TMEM17: variants seen among roughly 807,000 people sequenced by gnomAD.
TMEM17 encodes the protein transmembrane protein 17.
Under a neutral mutation model 19.1 loss-of-function variants are expected in TMEM17, and 15 were observed. The ratio of observed to expected loss-of-function variants is 0.78; its 90% CI spans 0.52 to 1.21. TMEM17 has a LOEUF of 1.21. Ranked by LOEUF, TMEM17 falls within the 50% of genes most tolerant of loss-of-function variation. The probability of loss-of-function intolerance (pLI) is 0.00; values close to 1 mark genes in which losing one functional copy is unlikely to be tolerated. For synonymous variants in TMEM17, 103 were observed against 86.9 expected, an observed-to-expected ratio of 1.19 and a Z score of -1.03; for missense variants, 245 against 242.3, an observed-to-expected ratio of 1.01 and a Z score of -0.07.
chr2:62,500,214 A>G (rs1244870009), downstream of TMEM17: 2 of 152,248 alleles, frequency 1.3e-5, no homozygotes, highest in East Asian at 1.9e-4. Flanking sequence ...CAAGACAAGG[A>G]TGATTTGCTG....
chr2:62,490,870 A>C, the TMEM17 span, among the ~76,000 whole-genome samples: 10 of 152,068 alleles, frequency 6.6e-5, no homozygotes. Context: ...TGAGGCCAGG[A>C]GTTTGAGACC....
At chr2:62,489,002 G>A in the TMEM17 span, among the ~76,000 whole-genome samples, 5 of 152,008 alleles carry the variant, frequency 3.3e-5, no homozygotes, top group African/African-American at 9.7e-5. Context: ...TGCCTTCCAC[G>A]GACACCCTTA....
the TMEM17 span, among the ~76,000 whole-genome samples, chr2:62,475,479 C>G: frequency 6.6e-6 from 1 of 152,262 alleles, no homozygotes; most frequent in Admixed American, 6.5e-5. Context: ...GGGCTGTTTT[C>G]TAGGCTGCTG....
the TMEM17 span, among the ~76,000 whole-genome samples, chr2:62,486,869 C>T: frequency 6.6e-6 from 1 of 152,110 alleles, no homozygotes; most frequent in African/African-American, 2.4e-5. Context: ...GGCTGCTGTG[C>T]TCCTGCCGGA....
intron 1 of TMEM17, among the ~76,000 whole-genome samples, chr2:62,503,572 A>G (rs763469296): frequency 5.9e-5 from 9 of 152,248 alleles, no homozygotes; most frequent in Non-Finnish European, 1.2e-4. Flanking sequence ...AAAATAGTGA[A>G]ATTAAAACTT....
At chr2:62,502,643 A>G in intron 2 of TMEM17, 48 bp downstream of exon 2, 1 of 1,483,040 alleles carries the variant, frequency 6.7e-7, no homozygotes, top group Non-Finnish European at 9.2e-7. Context: ...AATTTTATTG[A>G]CACTCTAACA....
At chr2:62,478,340 G>A in the TMEM17 span, among the ~76,000 whole-genome samples, 1 of 152,200 alleles carries the variant, frequency 6.6e-6, no homozygotes, top group Non-Finnish European at 1.5e-5. Context: ...GCAGCTCAGG[G>A]AAGGGAGCAA....
chr2:62,471,942 A>G, the TMEM17 span, among the ~76,000 whole-genome samples: 1 of 152,194 alleles, frequency 6.6e-6, no homozygotes, highest in Non-Finnish European at 1.5e-5. Context: ...ACGTGCCTTT[A>G]TCTATATTGG....
At chr2:62,477,069 A>C in the TMEM17 span, among the ~76,000 whole-genome samples, 1 of 152,160 alleles carries the variant, frequency 6.6e-6, no homozygotes, top group African/African-American at 2.4e-5. Flanking sequence ...TATTGAGGCC[A>C]TTGCCGAGCA....
downstream of TMEM17, among the ~76,000 whole-genome samples, chr2:62,495,866 A>G (rs72885210): frequency 0.041 from 6,197 of 152,226 alleles, 277 homozygotes; most frequent in African/African-American, 0.11. Flanking sequence ...AAAAAATTCA[A>G]TATTCAAGAA....
At chr2:62,495,982 A>C (rs2103718582), downstream of TMEM17, among the ~76,000 whole-genome samples, 1 of 152,300 alleles carries the variant, frequency 6.6e-6, no homozygotes, top group Non-Finnish European at 1.5e-5. Context: ...TCTGTTGCTG[A>C]CTGCGACCAG....
the TMEM17 span, among the ~76,000 whole-genome samples, chr2:62,477,951 G>A: frequency 2.0e-5 from 3 of 152,138 alleles, no homozygotes; most frequent in East Asian, 1.9e-4. Context: ...GCCTTTCTGC[G>A]GGGCTCCCCT....
the TMEM17 span, among the ~76,000 whole-genome samples, chr2:62,478,781 A>G: frequency 6.6e-6 from 1 of 152,242 alleles, no homozygotes; most frequent in Non-Finnish European, 1.5e-5. Flanking sequence ...TTAAAAGATA[A>G]GTTTTAAAAA....
At chr2:62,492,025 T>C in the TMEM17 span, among the ~76,000 whole-genome samples, 1 of 151,986 alleles carries the variant, frequency 6.6e-6, no homozygotes, top group South Asian at 2.1e-4. Context: ...TAAAAAACAA[T>C]GAGAGTAGCT....
intron 1 of TMEM17, 78 bp downstream of exon 1, chr2:62,505,952 G>A: frequency 7.4e-7 from 1 of 1,354,176 alleles, no homozygotes. Flanking sequence ...TTTAGGTACG[G>A]GCAAATTCTG....
chr2:62,502,512 G>T lies in TMEM17; in HGVS notation c.243C>A (p.Ile81=). The change falls in exon 3 of 4, where the codon ATC becomes ATA. Residue 81 remains isoleucine (I), a synonymous_variant. Coordinates refer to ENST00000335390, the MANE Select transcript of TMEM17 (RefSeq NM_198276.3). ...TTAAGGTTATTAGGATGATAACAGT[G>T]ATCACAATGAATTTGTAGTAGTCAG... ...ILPDYYKFIV[I]TVIILITLIE... 6.2e-7 allele frequency: 1 copy of T among 1,612,342 alleles called. No homozygotes were observed. The highest frequency in any genetic ancestry group is 1.1e-5 in the South Asian group (1 of 90,774).
chr2:62,467,527 G>C, the TMEM17 span, among the ~76,000 whole-genome samples: 4 of 152,206 alleles, frequency 2.6e-5, no homozygotes, highest in African/African-American at 7.2e-5. Context: ...CATAGAGATA[G>C]AGTGGGCTCT....
rs1309052712 is a variant in TMEM17 at position 62,502,466 on chromosome 2, G to A, written c.289C>T (p.Leu97=). The A allele has an allele frequency of 6.2e-7, 1 of 1,612,204 alleles. No individual in the cohort carries two copies. Among genetic ancestry groups the A allele is most frequent in the Non-Finnish European group, 8.5e-7 (1 of 1,178,458 alleles). The change falls in exon 3 of 4, where the codon CTG becomes TTG. Residue 97 remains leucine, a synonymous_variant. Transcript: ENST00000335390. ...TCCTGTAGGTTACCCACGTAGCCCA[G>A]ATACAACCGGATGGCTTCAATTAAG... ...ITLIEAIRLY[L]GYVGNLQEKV...
In TMEM17 at chr2:62,502,393, T is replaced by C. The variant is rs376647329; in HGVS notation, c.318+44A>G. The C allele has an allele frequency of 3.7e-6, 5 of 1,362,010 alleles. No homozygotes were observed. In the African/African-American group the frequency reaches 5.8e-5, roughly 16 times the overall value. The allele number at this position is 1,362,010 out of a possible 1,614,324, so 84.4% of individuals were successfully genotyped here. A position where few individuals can be genotyped will look rare whatever the true frequency, so the allele number is the denominator to read the frequency against. Reference sequence around the variant, plus strand: ...GCCTTTTACTTGTTATGAAAACTGATTTCATTTATATCTATCACTGAGAGA... The same window carrying C: ...GCCTTTTACTTGTTATGAAAACTGACTTCATTTATATCTATCACTGAGAGA... On this transcript the variant is annotated intron_variant, in intron 3 of 3. Coordinates refer to ENST00000335390, the MANE Select transcript of TMEM17 (RefSeq NM_198276.3).
Sources: gnomAD v4.1 joint callset for allele counts (sites outside exome capture counted in the v4.1 genomes callset) on GRCh38, gnomAD v4.1.1 for gene constraint, MANE v1.5 for transcripts, NCBI Gene and HGNC (gene_info 2026-07-23, HGNC 2026-07-21) for gene names.